CNTN4: variants seen among roughly 807,000 people sequenced by gnomAD.
CNTN4 encodes the protein contactin-4.
A neutral mutation model predicts 122.5 loss-of-function variants in CNTN4; 77 were observed. That is an observed-to-expected ratio of 0.63 (90% CI 0.52 to 0.76). The LOEUF is 0.76. Ranked by LOEUF, CNTN4 falls within the 30% of genes least tolerant of loss-of-function variation. CNTN4 has a pLI of 0.00. For synonymous variants in CNTN4, 512 were observed against 447.0 expected (o/e 1.15, Z -1.83); for missense variants, 1,256 against 1,259.1 (o/e 1.00, Z 0.04).
chr3:2,527,809 TG>T (rs1464511095), intron 3 of CNTN4, among the ~76,000 whole-genome samples: 1 of 152,160 alleles, frequency 6.6e-6, no homozygotes, highest in Non-Finnish European at 1.5e-5. Flanking sequence ...ACAAGTTTAT[TG>T]GTAGCCCTTA....
intron 2 of CNTN4, among the ~76,000 whole-genome samples, chr3:2,169,261 C>A (rs894794873): frequency 1.3e-5 from 2 of 151,946 alleles, no homozygotes; most frequent in South Asian, 2.1e-4. Context: ...AAGAAGAGTT[C>A]AGTATTCAGA....
intron 3 of CNTN4, among the ~76,000 whole-genome samples, chr3:2,436,908 T>A (rs1376384202): frequency 6.6e-6 from 1 of 151,480 alleles, no homozygotes; most frequent in Admixed American, 6.6e-5. Context: ...AAATAAAATA[T>A]ATGTATTAAG....
intron 3 of CNTN4, among the ~76,000 whole-genome samples, chr3:2,459,870 T>C (rs1217638503): frequency 1.3e-5 from 2 of 152,186 alleles, no homozygotes; most frequent in African/African-American, 2.4e-5. Flanking sequence ...ATAGCAAATA[T>C]ATAGTTTAAC....
chr3:2,527,170 C>A (rs957669638), intron 3 of CNTN4, among the ~76,000 whole-genome samples: 18 of 152,136 alleles, frequency 1.2e-4, no homozygotes, highest in African/African-American at 4.3e-4. Flanking sequence ...TAGCCATGCA[C>A]TGTTGGTGTG....
At chr3:2,366,599 C>T (rs1277579555) in intron 3 of CNTN4, among the ~76,000 whole-genome samples, 2 of 151,866 alleles carry the variant, frequency 1.3e-5, no homozygotes, top group South Asian at 4.2e-4. Context: ...TGGTGGCGGG[C>T]GCCTGTAGTC....
intron 7 of CNTN4, among the ~76,000 whole-genome samples, chr3:2,840,912 T>G (rs1231272087): frequency 6.6e-6 from 1 of 152,054 alleles, no homozygotes; most frequent in Non-Finnish European, 1.5e-5. Context: ...GAAAAGCTAT[T>G]TCTGTGATAC....
chr3:2,938,628 C>T (rs1270410723), intron 13 of CNTN4, among the ~76,000 whole-genome samples: 1 of 152,110 alleles, frequency 6.6e-6, no homozygotes, highest in Non-Finnish European at 1.5e-5. Context: ...TCGTTACCTC[C>T]CTGGCATAGG....
intron 14 of CNTN4, among the ~76,000 whole-genome samples, chr3:3,003,705 A>AC (rs1457408707): frequency 0.015 from 2,049 of 137,204 alleles, 69 homozygotes; most frequent in African/African-American, 0.053. Flanking sequence ...AAAAAAAAAA[A>AC]AAAAAAAAAC....
intron 3 of CNTN4, among the ~76,000 whole-genome samples, chr3:2,433,694 C>G (rs2048157848): frequency 6.6e-6 from 1 of 151,990 alleles, no homozygotes; most frequent in South Asian, 2.1e-4. Context: ...AAATCTTTGC[C>G]CAGACCAATG....
chr3:2,540,598 A>G (rs901715809), intron 3 of CNTN4, among the ~76,000 whole-genome samples: 4 of 152,106 alleles, frequency 2.6e-5, no homozygotes, highest in Admixed American at 6.6e-5. Flanking sequence ...TTCATTGTCT[A>G]TAGAAATCCT....
intron 2 of CNTN4, among the ~76,000 whole-genome samples, chr3:2,276,179 T>A (rs946371072): frequency 3.3e-5 from 5 of 151,022 alleles, no homozygotes; most frequent in African/African-American, 1.2e-4. Flanking sequence ...TTTATTTTTA[T>A]TATTTTTTTT....
chr3:2,225,251 A>AC (rs1319655913), intron 2 of CNTN4, among the ~76,000 whole-genome samples: 2 of 151,394 alleles, frequency 1.3e-5, no homozygotes, highest in East Asian at 2.0e-4. Flanking sequence ...GCATTGGCTC[A>AC]CACCTGCAAT....
chr3:2,144,921 G>C (rs908271839), intron 2 of CNTN4, among the ~76,000 whole-genome samples: 1 of 152,132 alleles, frequency 6.6e-6, no homozygotes, highest in African/African-American at 2.4e-5. Context: ...ACACGAGCAG[G>C]GAAGATCAGA....
At chr3:2,694,934 C>T (rs142024643) in intron 4 of CNTN4, among the ~76,000 whole-genome samples, 1 of 152,080 alleles carries the variant, frequency 6.6e-6, no homozygotes, top group East Asian at 1.9e-4. Context: ...TATAAATGAA[C>T]CGTTTGGTTT....
At position 2,904,519 on chromosome 3, in the gene CNTN4, A is replaced by G. The variant is rs113055751; in HGVS notation, c.1207+1514A>G. Among the ~76,000 whole-genome samples, 514 of 152,300 alleles carry G rather than the reference A, an allele frequency of 3.4e-3. 7 individuals carry two copies. Among genetic ancestry groups the G allele is most frequent in the African/African-American group, 0.012 (486 of 41,558 alleles). On this transcript the variant is annotated intron_variant, in intron 12 of 24. Transcript: ENST00000418658. ...GAGCCTTTTTCAAAGAGGCCTAGTA[A>G]TGGTTTTATGCTCTTGGCATAGATA...
At chr3:2,799,975 C>G (rs2092307346) in intron 6 of CNTN4, among the ~76,000 whole-genome samples, 1 of 151,646 alleles carries the variant, frequency 6.6e-6, no homozygotes, top group African/African-American at 2.4e-5. Flanking sequence ...GTTATCTATT[C>G]TAGTCTCTTG....
In CNTN4 at chr3:2,695,569, A is replaced by G. The variant is rs144273500; in HGVS notation, c.56-40646A>G. ...GATGTCCTCCTCAGTTTATTCTGTAACAGGTTTTGTGATAGACACCAGCAG... is the reference window on the plus strand; with the variant it reads ...GATGTCCTCCTCAGTTTATTCTGTAGCAGGTTTTGTGATAGACACCAGCAG... On this transcript the variant is annotated intron_variant, in intron 4 of 24. Transcript: ENST00000418658. Among the ~76,000 whole-genome samples the G allele has an allele frequency of 7.6e-3, 1,162 of 152,314 alleles. 9 individuals are homozygous for G. Among genetic ancestry groups the G allele is most frequent in the Middle Eastern group, 0.01 (3 of 294 alleles).
At chr3:2,832,882 G>C (rs2093133799) in intron 7 of CNTN4, among the ~76,000 whole-genome samples, 1 of 152,138 alleles carries the variant, frequency 6.6e-6, no homozygotes, top group Non-Finnish European at 1.5e-5. Context: ...TGAAACCAAG[G>C]CTGGGATAGA....
chr3:2,147,413 A>G (rs1006040340), intron 2 of CNTN4, among the ~76,000 whole-genome samples: 7 of 152,184 alleles, frequency 4.6e-5, no homozygotes, highest in African/African-American at 1.4e-4. Flanking sequence ...TTAACAGACC[A>G]ACATTAAGTA....
Sources: allele counts gnomAD v4.1 joint callset (sites outside exome capture counted in the v4.1 genomes callset), GRCh38; gene constraint gnomAD v4.1.1; transcripts MANE v1.5; gene names NCBI Gene and HGNC (gene_info 2026-07-23, HGNC 2026-07-21).